Variants in SGSM1 observed in about 807,000 individuals in gnomAD.
SGSM1 encodes the protein RUN and TBC1 domain containing 2.
In SGSM1, 73 loss-of-function variants were observed where a neutral mutation model predicts 133.8. The ratio of observed to expected loss-of-function variants is 0.55; its 90% CI spans 0.45 to 0.66. The LOEUF (loss-of-function observed/expected upper bound fraction) is 0.66, where lower values mean the gene tolerates loss of function less well. Ranked by LOEUF, SGSM1 falls within the 30% of genes least tolerant of loss-of-function variation. SGSM1 has a pLI of 0.00. For synonymous variants in SGSM1, 563 were observed against 573.0 expected, an observed-to-expected ratio of 0.98 and a Z score of 0.25; for missense variants, 1,213 against 1,448.1, an observed-to-expected ratio of 0.84 and a Z score of 2.64.
Position 24,847,725 on chromosome 22 carries a change from G to A in SGSM1, c.231G>A (p.Val77=). ...AGATTGCAGCCCTCTTTATGAAAGT[G>A]GGCAAGAACTTCCCGCCGGCTGAGG... ...SNKIAALFMK[V]GKNFPPAEDL... The change falls in exon 4 of 25, where the codon GTG becomes GTA. Residue 77 remains valine, a synonymous_variant. Transcript: ENST00000400358. The A allele has an allele frequency of 1.2e-6, 2 of 1,613,956 alleles. No individual in the cohort carries two copies. Among genetic ancestry groups the A allele is most frequent in the South Asian group, 1.1e-5 (1 of 91,066 alleles).
intron 2 of SGSM1, among the ~76,000 whole-genome samples, chr22:24,841,086 G>A (rs527693385): frequency 1.5e-4 from 23 of 152,262 alleles, no homozygotes; most frequent in East Asian, 1.2e-3. Flanking sequence ...TCCTGACCTT[G>A]TGATCCGCCC....
At chr22:24,890,248 G>A (rs544723575) in intron 16 of SGSM1, among the ~76,000 whole-genome samples, 71 of 152,140 alleles carry the variant, frequency 4.7e-4, no homozygotes, top group African/African-American at 1.3e-3. Context: ...GAGCCACCAC[G>A]CCCGGACTTA....
chr22:24,900,493 G>A (rs1035479285), intron 19 of SGSM1, among the ~76,000 whole-genome samples: 11 of 151,870 alleles, frequency 7.2e-5, no homozygotes, highest in Admixed American at 5.9e-4. Context: ...TCCGCCTCCC[G>A]GGTTCAAGCG....
intron 8 of SGSM1, among the ~76,000 whole-genome samples, chr22:24,857,087 C>T (rs111665354): frequency 3.4e-4 from 52 of 151,334 alleles, no homozygotes; most frequent in East Asian, 1.8e-3. Flanking sequence ...CATTTCTTAA[C>T]GTAATCTAAA....
At position 24,806,269 on chromosome 22, in the gene SGSM1, C is replaced by G. The variant is rs1373042656; in HGVS notation, c.-57C>G. Reference sequence around the variant, plus strand: ...AGCAGCAGCGCCGCGGCCGGAGGAGCTACCGCCGCCACCGCCGCCACCGCC... The same window carrying G: ...AGCAGCAGCGCCGCGGCCGGAGGAGGTACCGCCGCCACCGCCGCCACCGCC... On this transcript the variant is annotated 5_prime_UTR_variant, in exon 1 of 25. Transcript: ENST00000400358. The G allele has an allele frequency of 8.6e-6, 12 of 1,396,960 alleles. No individual in the cohort carries two copies. Among genetic ancestry groups the G allele is most frequent in the Middle Eastern group, 2.6e-4 (1 of 3,872 alleles). 86.5% of individuals were successfully genotyped at this position (1,396,960 alleles called of 1,614,324 possible).
intron 13 of SGSM1, among the ~76,000 whole-genome samples, chr22:24,877,588 G>C (rs1932084960): frequency 6.6e-6 from 1 of 151,858 alleles, no homozygotes; most frequent in East Asian, 1.9e-4. Context: ...TCAGCCATAG[G>C]ATATAAGGGG....
chr22:24,807,885 C>CTG (rs1601876520), intron 2 of SGSM1, among the ~76,000 whole-genome samples: 3 of 100,528 alleles, frequency 3.0e-5, no homozygotes, highest in East Asian at 3.3e-4. Context: ...GAGTATGTGC[C>CTG]TGCGTGTGTG....
chr22:24,877,964 C>T (rs1248044010), intron 13 of SGSM1, among the ~76,000 whole-genome samples: 3 of 151,886 alleles, frequency 2.0e-5, no homozygotes, highest in Non-Finnish European at 2.9e-5. Context: ...GCATGTGCCA[C>T]CATTCCTGGC....
At chr22:24,920,111 G>T in intron 24 of SGSM1, 118 bp downstream of exon 24, 5 of 1,067,754 alleles carry the variant, frequency 4.7e-6, no homozygotes, top group Non-Finnish European at 6.6e-6. Flanking sequence ...GATAAAGAGG[G>T]CTCTGCACAC....
At chr22:24,904,720 A>AT (rs1933310493) in intron 20 of SGSM1, among the ~76,000 whole-genome samples, 1 of 152,200 alleles carries the variant, frequency 6.6e-6, no homozygotes, top group South Asian at 2.1e-4. Flanking sequence ...TAAATTTGTG[A>AT]TTTTTTTGTG....
At chr22:24,891,408 G>C (rs1932812097) in intron 16 of SGSM1, among the ~76,000 whole-genome samples, 1 of 152,208 alleles carries the variant, frequency 6.6e-6, no homozygotes, top group Admixed American at 6.5e-5. Context: ...GAGAAGTGTG[G>C]GAAGCATAGG....
At chr22:24,903,972 C>T (rs1400120615) in intron 20 of SGSM1, among the ~76,000 whole-genome samples, 1 of 57,434 alleles carries the variant, frequency 1.7e-5, no homozygotes, top group East Asian at 6.8e-4. Context: ...AACTCTGTCT[C>T]AACAAAAAGA....
At chr22:24,836,611 T>TA (rs1255771049) in intron 2 of SGSM1, among the ~76,000 whole-genome samples, 4 of 152,218 alleles carry the variant, frequency 2.6e-5, no homozygotes, top group African/African-American at 9.6e-5. Context: ...CACCAACACT[T>TA]ACTTTCTGTT....
chr22:24,821,186 G>A (rs1317396574), intron 2 of SGSM1, among the ~76,000 whole-genome samples: 1 of 152,134 alleles, frequency 6.6e-6, no homozygotes, highest in African/African-American at 2.4e-5. Context: ...ACAGGCGCCC[G>A]CCATCATGCC....
Position 24,913,938 on chromosome 22 carries a change from C to T in SGSM1, c.2928+1186C>T, listed in dbSNP as rs577996700. ...TTGGGAGGCTGAGGTGGGTGGATCA[C>T]GAGGTCAGGAGATCGAGATCATCCT... On this transcript the variant is annotated intron_variant, in intron 22 of 24. Coordinates refer to ENST00000400358, the MANE Select transcript of SGSM1 (RefSeq NM_001098497.3). Among the ~76,000 whole-genome samples, 113 of 152,078 alleles carry T rather than the reference C, an allele frequency of 7.4e-4. 1 individual carries two copies. The highest frequency in any genetic ancestry group is 2.6e-3 in the African/African-American group (109 of 41,500).
At chr22:24,906,952 A>G (rs1933403910) in intron 21 of SGSM1, among the ~76,000 whole-genome samples, 1 of 151,124 alleles carries the variant, frequency 6.6e-6, no homozygotes, top group Non-Finnish European at 1.5e-5. Flanking sequence ...CTCCATCTCA[A>G]AAAGTAAAAT....
At chr22:24,861,287 G>C (rs1931136665) in intron 9 of SGSM1, among the ~76,000 whole-genome samples, 1 of 149,902 alleles carries the variant, frequency 6.7e-6, no homozygotes, top group Non-Finnish European at 1.5e-5. Flanking sequence ...GGGAAGCAGA[G>C]GTTGCAGTGA....
intron 3 of SGSM1, among the ~76,000 whole-genome samples, chr22:24,845,967 T>TTCTCTC (rs904817045): frequency 6.9e-6 from 1 of 144,628 alleles, no homozygotes; most frequent in African/African-American, 2.6e-5. Context: ...CTTTCTTTCT[T>TTCTCTC]TCTTTCTTTC....
intron 18 of SGSM1, among the ~76,000 whole-genome samples, chr22:24,897,617 GC>G (rs749186916): frequency 1.3e-5 from 2 of 151,836 alleles, no homozygotes; most frequent in African/African-American, 2.4e-5. Context: ...ACATGTGTGT[GC>G]CACCATACCA....
Sources: allele counts gnomAD v4.1 joint callset (sites outside exome capture counted in the v4.1 genomes callset), GRCh38; gene constraint gnomAD v4.1.1; transcripts MANE v1.5; gene names NCBI Gene and HGNC (gene_info 2026-07-23, HGNC 2026-07-21).